PRIM2: variants seen among roughly 807,000 people sequenced by gnomAD.
The protein encoded by PRIM2 is DNA primase large subunit.
Under a neutral mutation model 67.3 loss-of-function variants are expected in PRIM2, and 39 were observed. That is an observed-to-expected ratio of 0.58 (90% CI 0.45 to 0.76). PRIM2 has a LOEUF of 0.76. Among genes scored for constraint, PRIM2 ranks in the 30% least tolerant of loss-of-function variants. The pLI is 0.00. For missense variants in PRIM2, 398 were observed against 598.7 expected, an observed-to-expected ratio of 0.66 and a Z score of 3.50; for synonymous variants, 143 against 198.7, an observed-to-expected ratio of 0.72 and a Z score of 2.36.
chr6:57,443,230 C>T (rs1374885047), intron 7 of PRIM2, among the ~76,000 whole-genome samples: 1 of 152,170 alleles, frequency 6.6e-6, no homozygotes, highest in African/African-American at 2.4e-5. Flanking sequence ...GATACCTCCT[C>T]AGCCTACTGA....
intron 7 of PRIM2, among the ~76,000 whole-genome samples, chr6:57,500,278 C>T (rs1774104446): frequency 6.6e-6 from 1 of 152,162 alleles, no homozygotes; most frequent in African/African-American, 2.4e-5. Context: ...TTTAGTTTGC[C>T]CTCCTCCAAG....
At chr6:57,297,680 T>C in the PRIM2 span, among the ~76,000 whole-genome samples, 3 of 152,150 alleles carry the variant, frequency 2.0e-5, no homozygotes, top group East Asian at 1.9e-4. Flanking sequence ...AAGTTATCAT[T>C]ACCAGTAGTG....
the PRIM2 span, among the ~76,000 whole-genome samples, chr6:57,283,472 G>A: frequency 6.6e-6 from 1 of 152,070 alleles, no homozygotes. Flanking sequence ...TTTCAAAGAG[G>A]CACTTCTCCA....
At chr6:57,482,562 T>C (rs1161344240) in intron 7 of PRIM2, among the ~76,000 whole-genome samples, 1 of 151,912 alleles carries the variant, frequency 6.6e-6, no homozygotes, top group African/African-American at 2.4e-5. Context: ...GGTGTGTATA[T>C]GTGAACAATA....
intron 7 of PRIM2, among the ~76,000 whole-genome samples, chr6:57,423,447 CTTTACAT>C (rs997227880): frequency 1.3e-5 from 2 of 152,120 alleles, no homozygotes; most frequent in Non-Finnish European, 2.9e-5. Flanking sequence ...ACAACACAAA[CTTTACAT>C]TAGACCCTAT....
chr6:57,377,276 A>C (rs1390245239), intron 5 of PRIM2, among the ~76,000 whole-genome samples: 1 of 152,170 alleles, frequency 6.6e-6, no homozygotes, highest in East Asian at 1.9e-4. Flanking sequence ...TTTTCTAAGT[A>C]TACTAAATCA....
intron 7 of PRIM2, among the ~76,000 whole-genome samples, chr6:57,456,323 A>G (rs1282958262): frequency 1.3e-3 from 201 of 152,242 alleles, no homozygotes; most frequent in Admixed American, 5.0e-3. Flanking sequence ...CTGAATTTGA[A>G]TGTTGGCCTT....
rs772240340 is a variant in PRIM2, at chr6:57,324,243, A to G, written c.301A>G (p.Ile101Val). 3.1e-6 allele frequency: 5 copies of G among 1,606,222 alleles called. No homozygotes were observed. The highest frequency in any genetic ancestry group is 4.3e-6 in the Non-Finnish European group (5 of 1,175,034). Reference sequence around the variant, plus strand: ...ATATGAACCACGAAGAAGAGATCATATTTCTCATTTTATTTTGCGGCTTGC... The same window carrying G: ...ATATGAACCACGAAGAAGAGATCATGTTTCTCATTTTATTTTGCGGCTTGC... Reference protein sequence around the residue: ...DEYEPRRRDHISHFILRLAYC... With the variant: ...DEYEPRRRDHVSHFILRLAYC... Residue 101 changes from isoleucine (I) to valine (V), a missense_variant, in exon 4 of 14, where the codon ATT (isoleucine) becomes GTT (valine). By Grantham distance (29) the Ile-to-Val change is conservative. This residue lies in a region of PRIM2 where 229 missense variants were observed against 383.6 expected (regional missense o/e 0.60). Transcript: ENST00000615550.
At chr6:57,295,728 C>A in the PRIM2 span, among the ~76,000 whole-genome samples, 1 of 152,198 alleles carries the variant, frequency 6.6e-6, no homozygotes, top group African/African-American at 2.4e-5. Context: ...TGATGCTTAT[C>A]TCCACATGAA....
the PRIM2 span, among the ~76,000 whole-genome samples, chr6:57,235,939 A>G: frequency 3.3e-5 from 5 of 152,198 alleles, no homozygotes; most frequent in Non-Finnish European, 5.9e-5. Context: ...AAGCACAAGG[A>G]TTCTCCTCTA....
At chr6:57,346,565 A>C (rs1768685531) in intron 5 of PRIM2, among the ~76,000 whole-genome samples, 1 of 152,058 alleles carries the variant, frequency 6.6e-6, no homozygotes, top group African/African-American at 2.4e-5. Flanking sequence ...TGACCCGCCT[A>C]CCTCGGCCTC....
At chr6:57,569,702 A>G (rs1278435830) in intron 10 of PRIM2, among the ~76,000 whole-genome samples, 5 of 152,154 alleles carry the variant, frequency 3.3e-5, no homozygotes, top group Non-Finnish European at 7.4e-5. Flanking sequence ...ATGAATTCTA[A>G]GGTGAATTCA....
chr6:57,539,656 G>GTA (rs1209100326), intron 10 of PRIM2, among the ~76,000 whole-genome samples: 35 of 71,162 alleles, frequency 4.9e-4, no homozygotes, highest in East Asian at 1.3e-3. Flanking sequence ...GTGTGTGTGT[G>GTA]TATATATATA....
chr6:57,335,212 C>T (rs865950883), intron 5 of PRIM2, among the ~76,000 whole-genome samples: 6 of 152,240 alleles, frequency 3.9e-5, no homozygotes, highest in Admixed American at 1.3e-4. Context: ...GAGGGTCCTA[C>T]GCCCACGGAG....
the PRIM2 span, among the ~76,000 whole-genome samples, chr6:57,263,354 C>G: frequency 6.6e-6 from 1 of 152,220 alleles, no homozygotes; most frequent in Non-Finnish European, 1.5e-5. Flanking sequence ...GCCATCCTCT[C>G]TCTGAAGGCT....
chr6:57,635,807 C>T (rs1404581362), intron 13 of PRIM2, among the ~76,000 whole-genome samples: 15 of 152,180 alleles, frequency 9.9e-5, no homozygotes, highest in Non-Finnish European at 1.5e-4. Flanking sequence ...CTTCCTAACT[C>T]GTTTCCCAGC....
At chr6:57,596,979 C>G (rs1257146785) in intron 10 of PRIM2, among the ~76,000 whole-genome samples, 3 of 151,678 alleles carry the variant, frequency 2.0e-5, no homozygotes, top group Non-Finnish European at 4.4e-5. Context: ...CATATTTATA[C>G]ATTCATCTTT....
At chr6:57,589,563 C>T (rs1194727273) in intron 10 of PRIM2, among the ~76,000 whole-genome samples, 1 of 152,124 alleles carries the variant, frequency 6.6e-6, no homozygotes, top group Admixed American at 6.6e-5. Flanking sequence ...AGTAGTTTGA[C>T]TGAGATTTGA....
chr6:57,561,434 T>G lies in PRIM2; in HGVS notation c.1020+23809T>G, dbSNP rs1775627448. Among the ~76,000 whole-genome samples the G allele has an allele frequency of 3.3e-5, 5 of 152,306 alleles. No homozygotes were observed. In the South Asian group the frequency reaches 1.0e-3, roughly 32 times the overall value. ...TTTAGTAGAGACGGGGTTTCACCGT[T>G]GTTGCCCAGGCTGGTCTCGAACTCC... On this transcript the variant is annotated intron_variant, in intron 10 of 13. Coordinates refer to ENST00000615550, the MANE Select transcript of PRIM2 (RefSeq NM_000947.5).
Sources: allele counts gnomAD v4.1 joint callset (sites outside exome capture counted in the v4.1 genomes callset), GRCh38; gene constraint gnomAD v4.1.1; regional missense constraint gnomAD v4.1.1; transcripts MANE v1.5; gene names NCBI Gene and HGNC (gene_info 2026-07-23, HGNC 2026-07-21).